SC5D: variants seen among roughly 807,000 people sequenced by gnomAD.
The protein encoded by SC5D is lathosterol oxidase.
A neutral mutation model predicts 23.9 loss-of-function variants in SC5D; 21 were observed. The ratio of observed to expected loss-of-function variants is 0.88; its 90% CI spans 0.62 to 1.26. SC5D has a LOEUF of 1.26. Ranked by LOEUF, SC5D falls within the 50% of genes most tolerant of loss-of-function variation. The pLI is 0.00. For missense variants in SC5D, 309 were observed against 364.8 expected (o/e 0.85, Z 1.25); for synonymous variants, 113 against 125.9 (o/e 0.90, Z 0.68).
chr11:121,310,580 C>T lies in SC5D; in HGVS notation c.*3068C>T, dbSNP rs1948002481. ...TCACGCCATTCTCCTGCCTCAGCCT[C>T]CCGAGTAGCTGGGACTACAGGTGCC... On this transcript the variant is annotated 3_prime_UTR_variant, in exon 5 of 5. Transcript: ENST00000264027. 6.6e-6 allele frequency among the ~76,000 whole-genome samples: 1 copy of T among 151,914 alleles called. No individual in the cohort carries two copies. The highest frequency in any genetic ancestry group is 2.4e-5 in the African/African-American group (1 of 41,308).
At chr11:121,306,692 C>G (rs1461270647) in intron 4 of SC5D, 1 of 675,310 alleles carries the variant, frequency 1.5e-6, no homozygotes, top group African/African-American at 1.8e-5. Flanking sequence ...GTTCCGGTAA[C>G]AGGTACACAT....
intron 4 of SC5D, chr11:121,306,796 G>A (rs1227054878): frequency 9.7e-6 from 6 of 621,258 alleles, no homozygotes; most frequent in South Asian, 9.5e-5. Flanking sequence ...TGGGTACAAT[G>A]TGCACTCTTC....
chr11:121,304,299 T>C, intron 2 of SC5D, 62 bp from the exon 3 acceptor site: 1 of 1,513,648 alleles, frequency 6.6e-7, no homozygotes, highest in Admixed American at 1.7e-5. Context: ...CAGAACAGTT[T>C]TATGCTAGTT....
intron 1 of SC5D, among the ~76,000 whole-genome samples, chr11:121,296,708 A>G (rs1947892022): frequency 6.6e-6 from 1 of 152,202 alleles, no homozygotes; most frequent in Non-Finnish European, 1.5e-5. Flanking sequence ...CTCATTACCT[A>G]GTGTGGTGCT....
chr11:121,301,777 T>C lies in SC5D; in HGVS notation c.-10-1589T>C, dbSNP rs1947927797. Among the ~76,000 whole-genome samples, 3 of 152,112 alleles carry C rather than the reference T, an allele frequency of 2.0e-5. No homozygotes were observed. The South Asian group carries it at 6.2e-4, about 31-fold the overall frequency. ...AATTATATCTCAATAAACCTGTTTCTTTAAAAACAAAAAAAGGAGGAGCAT... is the reference window on the plus strand; with the variant it reads ...AATTATATCTCAATAAACCTGTTTCCTTAAAAACAAAAAAAGGAGGAGCAT... On this transcript the variant is annotated intron_variant, in intron 1 of 4. Transcript: ENST00000264027.
At position 121,307,520 on chromosome 11, in the gene SC5D, C is replaced by T. The variant is rs369195944; in HGVS notation, c.*8C>T. ...TTTACAAAGACTGAATAGATTATTG[C>T]CCAGTTATTCTTAAGTAAGGACAAA... On this transcript the variant is annotated 3_prime_UTR_variant, in exon 5 of 5. Transcript: ENST00000264027. 13 of 1,542,640 alleles carry T rather than the reference C, an allele frequency of 8.4e-6. No homozygotes were observed. The highest frequency in any genetic ancestry group is 4.1e-5 in the African/African-American group (3 of 72,672).
At chr11:121,302,183 G>A (rs1947930686) in intron 1 of SC5D, among the ~76,000 whole-genome samples, 1 of 152,152 alleles carries the variant, frequency 6.6e-6, no homozygotes, top group Admixed American at 6.5e-5. Context: ...TTACCTGTGG[G>A]CTATTTTGTT....
At position 121,307,113 on chromosome 11, in the gene SC5D, T is replaced by A; in HGVS notation, c.501T>A (p.Ala167=). 1 of 1,614,188 alleles carries A rather than the reference T, an allele frequency of 6.2e-7. No homozygotes were observed. ...WKIPTPFASH[A]FHPIDGFLQS... ...TTCCTACTCCATTTGCAAGTCATGC[T>A]TTTCACCCTATTGATGGCTTTCTTC... Residue 167 remains alanine (A), a synonymous_variant, in exon 5 of 5, where the codon GCT becomes GCA. Coordinates refer to ENST00000264027, the MANE Select transcript of SC5D (RefSeq NM_006918.5).
intron 3 of SC5D, 56 bp downstream of exon 3, chr11:121,304,549 CT>C: frequency 6.6e-7 from 1 of 1,512,472 alleles, no homozygotes; most frequent in Non-Finnish European, 9.1e-7. Flanking sequence ...GGTTAGTTTC[CT>C]TAAAAAAACA....
chr11:121,299,088 A>G (rs556952786), intron 1 of SC5D, among the ~76,000 whole-genome samples: 24 of 152,268 alleles, frequency 1.6e-4, no homozygotes, highest in Non-Finnish European at 3.2e-4. Context: ...AGATAGTAAT[A>G]ACTACATGAA....
At position 121,312,939 on chromosome 11, in the gene SC5D, T is replaced by A. The variant is rs1948022485; in HGVS notation, c.*5427T>A. 6.6e-6 allele frequency among the ~76,000 whole-genome samples: 1 copy of A among 152,184 alleles called. No individual in the cohort carries two copies. Among genetic ancestry groups the A allele is most frequent in the African/African-American group, 2.4e-5 (1 of 41,454 alleles). ...TGTCTGTCGCTTCATTGGGACGTTT[T>A]TTCTTTCTGATCAACTTAATGAAAT... On this transcript the variant is annotated 3_prime_UTR_variant, in exon 5 of 5. Transcript: ENST00000264027.
intron 3 of SC5D, chr11:121,305,890 AGACAG>A (rs1267212200): frequency 3.6e-5 from 6 of 168,102 alleles, no homozygotes; most frequent in African/African-American, 1.4e-4. Context: ...AAAACTTCCA[AGACAG>A]TGGGAGGACA....
intron 1 of SC5D, among the ~76,000 whole-genome samples, chr11:121,299,695 G>T (rs1051192615): frequency 6.6e-6 from 1 of 152,150 alleles, no homozygotes; most frequent in Non-Finnish European, 1.5e-5. Flanking sequence ...TTTGAGACCA[G>T]CCTGGGCAAT....
chr11:121,307,203 G>T lies in SC5D; in HGVS notation c.591G>T (p.Leu197=). The T allele has an allele frequency of 6.2e-7, 1 of 1,614,068 alleles. No individual in the cohort carries two copies. The highest frequency in any genetic ancestry group is 2.2e-5 in the East Asian group (1 of 44,886). The change falls in exon 5 of 5, where the codon CTG becomes CTT. Residue 197 remains leucine (L), a synonymous_variant. Transcript: ENST00000264027. ...TACACAAGGTGGTTTATTTAAGTCT[G>T]TACATCTTGGTTAATATCTGGACAA... ...FPLHKVVYLS[L]YILVNIWTIS...
intron 1 of SC5D, among the ~76,000 whole-genome samples, chr11:121,294,934 G>A (rs12421079): frequency 2.0e-5 from 3 of 152,162 alleles, no homozygotes; most frequent in Admixed American, 1.3e-4. Flanking sequence ...ATATTACGTA[G>A]TACCCTGTCC....
At position 121,304,374 on chromosome 11, in the gene SC5D, G is replaced by T. The variant is rs780028779; in HGVS notation, c.224G>T (p.Arg75Leu). ...TTTCACTTTCAGAATCAAGTCCGTCGAGAGATTAAGTTTACTGTCCAGGCA... is the reference window on the plus strand; with the variant it reads ...TTTCACTTTCAGAATCAAGTCCGTCTAGAGATTAAGTTTACTGTCCAGGCA... ...HPQFLKNQVR[R>L]EIKFTVQALP... The change falls in exon 3 of 5, where the codon CGA becomes CTA. Residue 75 changes from arginine (R) to leucine (L), a missense_variant. Coordinates refer to ENST00000264027, the MANE Select transcript of SC5D (RefSeq NM_006918.5). The T allele has an allele frequency of 6.2e-7, 1 of 1,613,346 alleles. No homozygotes were observed. Among genetic ancestry groups the T allele is most frequent in the South Asian group, 1.1e-5 (1 of 91,048 alleles).
chr11:121,304,192 G>A (rs150158264), intron 2 of SC5D, 169 bp from the exon 3 acceptor site: 2 of 611,854 alleles, frequency 3.3e-6, no homozygotes, highest in South Asian at 2.0e-5. Flanking sequence ...CAAAAGGAAT[G>A]ATTTTCTTAC....
intron 3 of SC5D, chr11:121,304,749 A>C (rs909112561): frequency 5.4e-6 from 2 of 370,434 alleles, no homozygotes; most frequent in African/African-American, 4.1e-5. Context: ...GGGTCCTTGC[A>C]TTTGTTTTCT....
In SC5D at chr11:121,311,823, G is replaced by A. The variant is rs1948012999; in HGVS notation, c.*4311G>A. On this transcript the variant is annotated 3_prime_UTR_variant, in exon 5 of 5. Transcript: ENST00000264027. ...ATTGTTCATGTAAATTGTGCTTGAT[G>A]CTTTTTCTTTCTAGATTCAATGATT... Among the ~76,000 whole-genome samples, 1 of 152,154 alleles carries A rather than the reference G, an allele frequency of 6.6e-6. No homozygotes were observed. The highest frequency in any genetic ancestry group is 1.5e-5 in the Non-Finnish European group (1 of 68,000).
Sources: allele counts gnomAD v4.1 joint callset (sites outside exome capture counted in the v4.1 genomes callset), GRCh38; gene constraint gnomAD v4.1.1; transcripts MANE v1.5; gene names NCBI Gene and HGNC (gene_info 2026-07-23, HGNC 2026-07-21).